Variants in IQSEC3 observed in about 807,000 individuals in gnomAD.
IQSEC3 encodes the protein IQ motif and SEC7 domain-containing protein 3.
In IQSEC3, 50 loss-of-function variants were observed where a neutral mutation model predicts 105.4. The ratio of observed to expected loss-of-function variants is 0.47; its 90% confidence interval spans 0.38 to 0.60. The LOEUF (loss-of-function observed/expected upper bound fraction) is 0.60, where lower values mean the gene tolerates loss of function less well. Ranked by LOEUF, IQSEC3 falls within the 20% of genes least tolerant of loss-of-function variation. The pLI is 0.00. For synonymous variants in IQSEC3, 708 were observed against 746.0 expected, an observed-to-expected ratio of 0.95 and a Z score of 0.83; for missense variants, 1,415 against 1,630.0, an observed-to-expected ratio of 0.87 and a Z score of 2.27.
chr12:170,174 G>A (rs1027893574), intron 12 of IQSEC3, among the ~76,000 whole-genome samples: 2 of 152,344 alleles, frequency 1.3e-5, no homozygotes, highest in Non-Finnish European at 2.9e-5. Context: ...TCGTGCGTCC[G>A]TAATTCTCCA....
At position 138,946 on chromosome 12, in the gene IQSEC3, A is replaced by G; in HGVS notation, c.1583A>G (p.Glu528Gly). 1 of 1,578,320 alleles carries G rather than the reference A, an allele frequency of 6.3e-7. No homozygotes were observed. Reference protein sequence around the residue: ...APAEPAAGKAEQGETSGREAP... With the variant: ...APAEPAAGKAGQGETSGREAP... ...GCAGAGCCCGCGGCGGGCAAGGCCG[A>G]GCAGGGCGAGACCTCTGGGCGGGAG... The change falls in exon 4 of 14, where the codon GAG becomes GGG. Residue 528 changes from glutamate (E) to glycine (G), a missense_variant. Glu to Gly is a moderately conservative substitution (Grantham distance 98). Transcript: ENST00000538872. This position sits in a 1 kb window ranked among gnomAD's most constrained non-coding sequence, Gnocchi z 7.1.
chr12:166,739 G>A (rs1938670830), intron 11 of IQSEC3: 1 of 152,242 alleles, frequency 6.6e-6, no homozygotes, highest in African/African-American at 2.4e-5. Context: ...CGCTAGGAAA[G>A]GCAGGGAGAG....
chr12:167,911 G>C (rs1238114197), intron 11 of IQSEC3, among the ~76,000 whole-genome samples: 1 of 152,210 alleles, frequency 6.6e-6, no homozygotes, highest in African/African-American at 2.4e-5. Flanking sequence ...TAATTATCAG[G>C]CTAATTTCTC....
At chr12:103,757 GGGGGAGGTGGGGCTCAGGA>G (rs1864530403) in intron 2 of IQSEC3, among the ~76,000 whole-genome samples, 6 of 15,432 alleles carry the variant, frequency 3.9e-4, no homozygotes, top group East Asian at 9.8e-3. Context: ...GGCAGGGCTG[GGGGGAGGTGGGGCTCAGGA>G]GGGGAGGCGG....
chr12:108,958 G>A (rs568827608), intron 2 of IQSEC3, among the ~76,000 whole-genome samples: 1 of 152,242 alleles, frequency 6.6e-6, no homozygotes, highest in African/African-American at 2.4e-5. Context: ...GGTTTGTCCC[G>A]CTCTGGGAGG....
At chr12:168,327 G>T (rs1198042767) in intron 11 of IQSEC3, among the ~76,000 whole-genome samples, 1 of 152,164 alleles carries the variant, frequency 6.6e-6, no homozygotes. Flanking sequence ...CACACCCTCG[G>T]TGTGGACTTT....
intron 2 of IQSEC3, among the ~76,000 whole-genome samples, chr12:122,913 A>G (rs1365069809): frequency 2.6e-5 from 4 of 152,184 alleles, no homozygotes; most frequent in African/African-American, 4.8e-5. Context: ...GATCCTGGGC[A>G]TCAGTGCCAA....
chr12:94,236 C>T (rs1202430559), intron 1 of IQSEC3, among the ~76,000 whole-genome samples: 15 of 152,180 alleles, frequency 9.9e-5, no homozygotes, highest in African/African-American at 3.1e-4. Flanking sequence ...CATGAATGCC[C>T]GCTTGCCAAA....
intron 1 of IQSEC3, among the ~76,000 whole-genome samples, chr12:72,808 G>A (rs1315039280): frequency 5.3e-5 from 6 of 113,432 alleles, no homozygotes; most frequent in Admixed American, 2.9e-4. Flanking sequence ...ACTTTGGGAG[G>A]CTGAGGCGGG....
At chr12:159,233 G>A (rs4980858) in intron 7 of IQSEC3, among the ~76,000 whole-genome samples, 61,218 of 152,050 alleles carry the variant, frequency 0.4, 14,285 homozygotes, top group Admixed American at 0.52. Context: ...CCCACCCTAC[G>A]TATCAAGCTC....
At position 159,225 on chromosome 12, in the gene IQSEC3, C is replaced by T. The variant is rs576437614; in HGVS notation, c.2443+1531C>T. 2.0e-5 allele frequency among the ~76,000 whole-genome samples: 3 copies of T among 152,308 alleles called. No individual in the cohort carries two copies. In the East Asian group the frequency reaches 5.8e-4, roughly 29 times the overall value. On this transcript the variant is annotated intron_variant, in intron 7 of 13. Coordinates refer to ENST00000538872, the MANE Select transcript of IQSEC3 (RefSeq NM_001170738.2). ...CTCCCCTGATTCAGCCCCCACTTCC[C>T]ACCCTACGTATCAAGCTCCTCTCCA...
At chr12:162,960 T>C (rs1866964577) in intron 8 of IQSEC3, among the ~76,000 whole-genome samples, 1 of 152,070 alleles carries the variant, frequency 6.6e-6, no homozygotes, top group Non-Finnish European at 1.5e-5. Context: ...CAATTTCCTA[T>C]TCCTGTCCCT....
intron 5 of IQSEC3, among the ~76,000 whole-genome samples, chr12:154,961 G>A (rs1046479042): frequency 6.6e-6 from 1 of 151,934 alleles, no homozygotes; most frequent in African/African-American, 2.4e-5. Flanking sequence ...CCCCCTTGCT[G>A]CGTGACCATG....
At chr12:150,498 G>T (rs4600273) in intron 5 of IQSEC3, among the ~76,000 whole-genome samples, 47,900 of 152,002 alleles carry the variant, frequency 0.32, 8,569 homozygotes, top group Admixed American at 0.42. Context: ...TCAGTGAGGA[G>T]GGGCAGCTGC....
intron 3 of IQSEC3, among the ~76,000 whole-genome samples, chr12:126,156 C>T (rs1350887396): frequency 2.0e-5 from 3 of 152,228 alleles, no homozygotes; most frequent in Non-Finnish European, 4.4e-5. Context: ...CGTCCAGGGG[C>T]TCTGCTCCTC....
intron 1 of IQSEC3, among the ~76,000 whole-genome samples, chr12:79,979 T>C (rs951871606): frequency 3.3e-5 from 5 of 152,220 alleles, no homozygotes; most frequent in Non-Finnish European, 4.4e-5. Flanking sequence ...GATCTTTCCT[T>C]ATTAAATATA....
chr12:84,753 G>A (rs1863861631), intron 1 of IQSEC3, among the ~76,000 whole-genome samples: 2 of 152,198 alleles, frequency 1.3e-5, no homozygotes, highest in Admixed American at 1.3e-4. Flanking sequence ...TGTGATTGAG[G>A]TACCTGAGCA....
At chr12:148,752 T>G (rs1207841995) in intron 5 of IQSEC3, 1 of 152,212 alleles carries the variant, frequency 6.6e-6, no homozygotes, top group Non-Finnish European at 1.5e-5. Context: ...CTACATTCCG[T>G]GGCAATAGGT....
At chr12:102,447 G>C (rs901140395) in intron 2 of IQSEC3, among the ~76,000 whole-genome samples, 1 of 152,202 alleles carries the variant, frequency 6.6e-6, no homozygotes, top group Non-Finnish European at 1.5e-5. Context: ...CTCCAGCTCC[G>C]GGGCTGAGCA....
Sources: gnomAD v4.1 joint callset for allele counts (sites outside exome capture counted in the v4.1 genomes callset) on GRCh38, gnomAD v4.1.1 for gene constraint, Gnocchi (gnomAD v3.1) non-coding constraint, MANE v1.5 for transcripts, NCBI Gene and HGNC (gene_info 2026-07-23, HGNC 2026-07-21) for gene names.